The following NELL1 variants were observed in gnomAD, a reference collection of about 807,000 sequenced individuals.
NELL1 encodes the protein protein kinase C-binding protein NELL1.
In NELL1, 76 loss-of-function variants were observed where a neutral mutation model predicts 107.4. The ratio of observed to expected loss-of-function variants is 0.71; its 90% CI spans 0.59 to 0.86. NELL1 has a LOEUF of 0.86. Among genes scored for constraint, NELL1 ranks in the 40% least tolerant of loss-of-function variants. The pLI is 0.00. For missense variants in NELL1, 1,024 were observed against 1,005.5 expected (o/e 1.02, Z -0.25); for synonymous variants, 353 against 341.2 (o/e 1.03, Z -0.38).
intron 15 of NELL1, among the ~76,000 whole-genome samples, chr11:21,533,701 G>A (rs989153103): frequency 6.6e-6 from 1 of 152,154 alleles, no homozygotes; most frequent in Non-Finnish European, 1.5e-5. Flanking sequence ...AATGATTGAA[G>A]AATGAGAATC....
intron 3 of NELL1, among the ~76,000 whole-genome samples, chr11:20,844,059 T>G (rs939669653): frequency 6.6e-6 from 1 of 152,186 alleles, no homozygotes; most frequent in Non-Finnish European, 1.5e-5. Flanking sequence ...GGAAAGTCAG[T>G]GTAGGCGTAG....
intron 16 of NELL1, among the ~76,000 whole-genome samples, chr11:21,555,593 A>G (rs796314949): frequency 7.2e-5 from 11 of 151,924 alleles, no homozygotes; most frequent in African/African-American, 2.4e-4. Flanking sequence ...TACACCAAAC[A>G]AGGGAACACC....
At chr11:20,996,561 G>T (rs935122563) in intron 12 of NELL1, among the ~76,000 whole-genome samples, 1 of 152,102 alleles carries the variant, frequency 6.6e-6, no homozygotes, top group Non-Finnish European at 1.5e-5. Flanking sequence ...CTCTTCCCTG[G>T]TGACCTCAGC....
intron 2 of NELL1, among the ~76,000 whole-genome samples, chr11:20,767,928 C>T (rs537316137): frequency 6.6e-6 from 1 of 152,028 alleles, no homozygotes; most frequent in African/African-American, 2.4e-5. Context: ...GTAATATATA[C>T]TATGAAGGAA....
Position 20,927,410 on chromosome 11 carries a change from G to T in NELL1, c.862G>T (p.Asp288Tyr), listed in dbSNP as rs1428476903. The T allele has an allele frequency of 2.5e-6, 4 of 1,611,722 alleles. No individual in the cohort carries two copies. The African/African-American group carries it at 5.3e-5, about 22-fold the overall frequency. Residue 288 changes from aspartate to tyrosine, a missense_variant, in exon 8 of 20, where the codon GAT becomes TAT. Physicochemically the swap from Asp to Tyr is radical, Grantham distance 160 (BLOSUM62 -3). Coordinates refer to ENST00000357134, the MANE Select transcript of NELL1 (RefSeq NM_006157.5). The stretch of plus-strand genomic sequence containing the variant: ...CTATCGAGATCAAGACTCTTGGGTA[G>T]ATGGTGACCATTGCAGGAACTGCAC... ...LLYRDQDSWV[D>Y]GDHCRNCTCK...
intron 15 of NELL1, among the ~76,000 whole-genome samples, chr11:21,450,064 C>T (rs1853539749): frequency 6.6e-6 from 1 of 152,124 alleles, no homozygotes. Flanking sequence ...AGTTGGTGAC[C>T]TGTTAACACT....
chr11:20,917,462 C>G (rs914136033), intron 5 of NELL1, among the ~76,000 whole-genome samples: 2 of 151,938 alleles, frequency 1.3e-5, no homozygotes, highest in Non-Finnish European at 2.9e-5. Flanking sequence ...ATAGAATAAG[C>G]TCAGTATTCT....
intron 12 of NELL1, among the ~76,000 whole-genome samples, chr11:21,046,633 C>A (rs761966806): frequency 9.2e-5 from 14 of 152,052 alleles, no homozygotes; most frequent in Non-Finnish European, 1.8e-4. Flanking sequence ...TATAATTATT[C>A]TTGGCCTGCA....
rs567584398 is a variant in NELL1 at position 21,109,292 on chromosome 11, C to T, written c.1301-4297C>T. Among the ~76,000 whole-genome samples, 3 of 152,206 alleles carry T rather than the reference C, an allele frequency of 2.0e-5. No individual in the cohort carries two copies. In the South Asian group the frequency reaches 6.2e-4, roughly 32 times the overall value. ...CCTTTATAAGGTACGTACTATTAGA[C>T]TCTTAGAATATGGGTATCAGCCTGT... On this transcript the variant is annotated intron_variant, in intron 12 of 19. Coordinates refer to ENST00000357134, the MANE Select transcript of NELL1 (RefSeq NM_006157.5).
chr11:20,999,779 C>G lies in NELL1; in HGVS notation c.1300+39219C>G, dbSNP rs184200505. ...TTCCAACTTTAAAAGGTATGGACTT[C>G]TCTTGATTTGAATTTTCAGCTGTTT... On this transcript the variant is annotated intron_variant, in intron 12 of 19. Coordinates refer to ENST00000357134, the MANE Select transcript of NELL1 (RefSeq NM_006157.5). 2.9e-3 allele frequency among the ~76,000 whole-genome samples: 441 copies of G among 150,356 alleles called. 2 individuals carry two copies. Among genetic ancestry groups the G allele is most frequent in the African/African-American group, 0.01 (413 of 41,008 alleles).
At chr11:21,052,774 C>T (rs180677253) in intron 12 of NELL1, among the ~76,000 whole-genome samples, 6 of 152,116 alleles carry the variant, frequency 3.9e-5, no homozygotes, top group East Asian at 3.9e-4. Flanking sequence ...AGAGGGGATA[C>T]GGATGCAAAG....
intron 1 of NELL1, chr11:20,674,653 G>A: frequency 9.8e-6 from 8 of 817,436 alleles, no homozygotes; most frequent in Non-Finnish European, 1.6e-5. Flanking sequence ...CACAGGGTTA[G>A]TAGAGGGAAG....
intron 12 of NELL1, among the ~76,000 whole-genome samples, chr11:21,064,070 G>A (rs1224554003): frequency 2.6e-5 from 4 of 152,088 alleles, no homozygotes; most frequent in Admixed American, 6.6e-5. Context: ...CAAGGAAATA[G>A]CCAGTGCAAA....
chr11:20,747,451 C>G (rs527914947), intron 2 of NELL1, among the ~76,000 whole-genome samples: 2 of 152,226 alleles, frequency 1.3e-5, no homozygotes, highest in East Asian at 3.9e-4. Context: ...ATTCAGATGT[C>G]TTAGTCCATT....
chr11:21,137,874 G>T (rs1028649554), intron 13 of NELL1, among the ~76,000 whole-genome samples: 1 of 152,126 alleles, frequency 6.6e-6, no homozygotes, highest in Non-Finnish European at 1.5e-5. Context: ...GCACTGGCTC[G>T]ATCTTTTCAT....
At chr11:20,976,845 A>AT (rs1305440154) in intron 12 of NELL1, among the ~76,000 whole-genome samples, 2 of 151,890 alleles carry the variant, frequency 1.3e-5, no homozygotes, top group Non-Finnish European at 2.9e-5. Flanking sequence ...AAGTGGCAGG[A>AT]TTTTTTTTAT....
intron 13 of NELL1, among the ~76,000 whole-genome samples, chr11:21,225,831 T>A (rs1375342065): frequency 6.6e-6 from 1 of 152,200 alleles, no homozygotes; most frequent in Admixed American, 6.5e-5. Context: ...CATGCTGTCA[T>A]AAATTTTCTA....
At chr11:21,026,966 G>A (rs1332639044) in intron 12 of NELL1, among the ~76,000 whole-genome samples, 1 of 151,946 alleles carries the variant, frequency 6.6e-6, no homozygotes, top group Non-Finnish European at 1.5e-5. Context: ...TAGGCTTCTT[G>A]GGCTTTTCCT....
intron 15 of NELL1, among the ~76,000 whole-genome samples, chr11:21,420,087 A>G (rs992120641): frequency 1.1e-4 from 16 of 152,020 alleles, no homozygotes. Flanking sequence ...AATGGATACA[A>G]AAACATATTG....
Sources: allele counts gnomAD v4.1 joint callset (sites outside exome capture counted in the v4.1 genomes callset), GRCh38; gene constraint gnomAD v4.1.1; transcripts MANE v1.5; gene names NCBI Gene and HGNC (gene_info 2026-07-23, HGNC 2026-07-21).